SYTL2: variants seen among roughly 807,000 people sequenced by gnomAD.
SYTL2 encodes synaptotagmin-like protein 2.
SYTL2 carries 165 observed loss-of-function variants against 198.7 expected under a neutral mutation model. The observed-to-expected ratio is 0.83, with a 90% CI of 0.73 to 0.94. The LOEUF (loss-of-function observed/expected upper bound fraction) is 0.94. Ranked by LOEUF, SYTL2 falls within the 40% of genes least tolerant of loss-of-function variation. The probability of loss-of-function intolerance (pLI) is 0.00; values close to 1 mark genes in which losing one functional copy is unlikely to be tolerated. For missense variants in SYTL2, 2,835 were observed against 2,582.8 expected (o/e 1.10, Z -2.12); for synonymous variants, 966 against 917.7 (o/e 1.05, Z -0.95).
intron 1 of SYTL2, among the ~76,000 whole-genome samples, chr11:85,788,362 C>T (rs2092670535): frequency 6.6e-6 from 1 of 152,146 alleles, no homozygotes; most frequent in Non-Finnish European, 1.5e-5. Context: ...TATTAACCTC[C>T]TTTTAGGTAA....
intron 1 of SYTL2, among the ~76,000 whole-genome samples, chr11:85,788,562 C>A (rs1367651017): frequency 1.3e-5 from 2 of 152,114 alleles, no homozygotes; most frequent in African/African-American, 4.8e-5. Context: ...ATCACATCAC[C>A]TTTAATAATG....
chr11:85,696,490 A>G, intron 18 of SYTL2, 102 bp from the exon 19 acceptor site: 1 of 970,842 alleles, frequency 1.0e-6, no homozygotes, highest in South Asian at 1.5e-5. Context: ...CAATGGAGGA[A>G]AAGATGTGGA....
the SYTL2 span, among the ~76,000 whole-genome samples, chr11:85,848,863 T>A: frequency 1.3e-5 from 2 of 152,178 alleles, no homozygotes; most frequent in Admixed American, 1.3e-4. Flanking sequence ...AAGAGTAATT[T>A]CAAACATTAA....
chr11:85,699,989 A>G (rs145542136), intron 17 of SYTL2, among the ~76,000 whole-genome samples: 107 of 152,338 alleles, frequency 7.0e-4, no homozygotes, highest in African/African-American at 2.4e-3. Context: ...AGCACTATCA[A>G]TAAGTCCAAA....
At chr11:85,766,492 A>G (rs960907841) in intron 1 of SYTL2, among the ~76,000 whole-genome samples, 1 of 152,190 alleles carries the variant, frequency 6.6e-6, no homozygotes, top group Non-Finnish European at 1.5e-5. Context: ...CAGAGTTCTG[A>G]TATTGCATGA....
the SYTL2 span, among the ~76,000 whole-genome samples, chr11:85,843,715 G>A: frequency 1.3e-5 from 2 of 152,154 alleles, no homozygotes; most frequent in African/African-American, 4.8e-5. Context: ...TCACATAACA[G>A]TTAAAAGGCT....
At chr11:85,821,359 A>G in the SYTL2 span, among the ~76,000 whole-genome samples, 1 of 151,762 alleles carries the variant, frequency 6.6e-6, no homozygotes, top group African/African-American at 2.4e-5. Flanking sequence ...CCAGGAGTCA[A>G]AAAAGGGAAA....
At chr11:85,712,721 C>T (rs908727767) in intron 12 of SYTL2, among the ~76,000 whole-genome samples, 3 of 151,698 alleles carry the variant, frequency 2.0e-5, no homozygotes, top group Non-Finnish European at 2.9e-5. Flanking sequence ...CACACACACA[C>T]ACACTTTTTT....
At chr11:85,845,690 C>T in the SYTL2 span, among the ~76,000 whole-genome samples, 1 of 152,124 alleles carries the variant, frequency 6.6e-6, no homozygotes, top group African/African-American at 2.4e-5. Context: ...GGGCGGATCA[C>T]GAGGTCAGGA....
chr11:85,759,245 C>CAA (rs752168650), intron 1 of SYTL2, among the ~76,000 whole-genome samples: 9 of 58,526 alleles, frequency 1.5e-4, no homozygotes, highest in Non-Finnish European at 2.2e-4. Flanking sequence ...GACTCCTTAT[C>CAA]AAAAAAAAAA....
At chr11:85,736,175 A>G (rs1426051424) in intron 6 of SYTL2, among the ~76,000 whole-genome samples, 2 of 152,224 alleles carry the variant, frequency 1.3e-5, no homozygotes, top group African/African-American at 4.8e-5. Context: ...GTGAACACAC[A>G]GTAGGCATCT....
At chr11:85,785,821 A>G (rs1434187142) in intron 1 of SYTL2, among the ~76,000 whole-genome samples, 1 of 152,222 alleles carries the variant, frequency 6.6e-6, no homozygotes, top group Non-Finnish European at 1.5e-5. Flanking sequence ...GCCTAGCTCA[A>G]AAAATACCTG....
At chr11:85,731,732 C>T (rs1014773339) in intron 7 of SYTL2, among the ~76,000 whole-genome samples, 7 of 152,086 alleles carry the variant, frequency 4.6e-5, no homozygotes, top group Admixed American at 1.3e-4. Context: ...AATTGACAAA[C>T]GGGATCTAAT....
At chr11:85,833,023 G>A in the SYTL2 span, among the ~76,000 whole-genome samples, 18 of 16,894 alleles carry the variant, frequency 1.1e-3, no homozygotes, top group South Asian at 3.5e-3. Context: ...AAGAAAGAAA[G>A]AAAGAAAGAA....
the SYTL2 span, among the ~76,000 whole-genome samples, chr11:85,817,902 C>CTTTTTTTTT: frequency 1.8e-5 from 2 of 109,914 alleles, no homozygotes; most frequent in Non-Finnish European, 1.8e-5. Flanking sequence ...TGTGTCTTTT[C>CTTTTTTTTT]TTTTTTTTTT....
chr11:85,772,296 T>G lies in SYTL2; in HGVS notation c.-389-14182A>C, dbSNP rs149325527. Among the ~76,000 whole-genome samples, 245 of 152,370 alleles carry G rather than the reference T, an allele frequency of 1.6e-3. 2 individuals are homozygous for G. The highest frequency in any genetic ancestry group is 2.1e-3 in the Non-Finnish European group (145 of 68,022). ...GTCTAGAAGAAATGAAGAATGCTTT[T>G]ACTTCGCCTATCTTCATATATATAG... On this transcript the variant is annotated intron_variant, in intron 1 of 19. Coordinates refer to ENST00000359152, the MANE Select transcript of SYTL2 (RefSeq NM_206927.4).
At chr11:85,777,858 T>C (rs965604557) in intron 1 of SYTL2, among the ~76,000 whole-genome samples, 1 of 145,704 alleles carries the variant, frequency 6.9e-6, no homozygotes, top group South Asian at 2.3e-4. Context: ...TTTGCTCTTG[T>C]TGCCCAGGCT....
intron 15 of SYTL2, among the ~76,000 whole-genome samples, chr11:85,706,485 G>A (rs1433346620): frequency 6.6e-6 from 1 of 152,222 alleles, no homozygotes; most frequent in Non-Finnish European, 1.5e-5. Flanking sequence ...TAGGGGTTAA[G>A]CACAGCCCCT....
intron 5 of SYTL2, 89 bp downstream of exon 5, chr11:85,737,486 A>G (rs1319397682): frequency 6.7e-6 from 7 of 1,039,212 alleles, no homozygotes; most frequent in Non-Finnish European, 1.0e-5. Flanking sequence ...GTACTACAAA[A>G]TTCTCTTTAT....
Sources: gnomAD v4.1 joint callset for allele counts (sites outside exome capture counted in the v4.1 genomes callset) on GRCh38, gnomAD v4.1.1 for gene constraint, MANE v1.5 for transcripts, NCBI Gene and HGNC (gene_info 2026-07-23, HGNC 2026-07-21) for gene names.